Variants in CLEC9A observed in about 807,000 individuals in gnomAD.
CLEC9A encodes the protein C-type lectin domain family 9 member A.
A neutral mutation model predicts 30.0 loss-of-function variants in CLEC9A; 24 were observed. The observed-to-expected ratio is 0.80, with a 90% CI of 0.58 to 1.13. The LOEUF is 1.13. Ranked by LOEUF, CLEC9A falls within the 50% of genes most tolerant of loss-of-function variation. The probability of loss-of-function intolerance (pLI) is 0.00; values close to 1 mark genes in which losing one functional copy is unlikely to be tolerated. For synonymous variants in CLEC9A, 111 were observed against 96.8 expected (o/e 1.15, Z -0.86); for missense variants, 251 against 280.9 (o/e 0.89, Z 0.76).
At chr12:10,062,016 T>C (rs539495572) in intron 6 of CLEC9A, among the ~76,000 whole-genome samples, 14 of 152,326 alleles carry the variant, frequency 9.2e-5, no homozygotes, top group Non-Finnish European at 1.9e-4. Flanking sequence ...CCAACCATGT[T>C]TCTCTATGCA....
rs1269611632 is a variant in CLEC9A at position 10,065,525 on chromosome 12, G to T, written c.619G>T (p.Ala207Ser). 1 of 1,613,860 alleles carries T rather than the reference G, an allele frequency of 6.2e-7. No homozygotes were observed. The highest frequency in any genetic ancestry group is 1.7e-5 in the Admixed American group (1 of 59,956). ...GLLPAERSQSANQVCGYVKSN... is the reference protein window; with the variant it reads ...GLLPAERSQSSNQVCGYVKSN... ...GTTGCCAGCAGAGAGATCCCAGTCAGCTAACCAAGTCTGTGGATACGTGAA... is the reference window on the plus strand; with the variant it reads ...GTTGCCAGCAGAGAGATCCCAGTCATCTAACCAAGTCTGTGGATACGTGAA... Residue 207 changes from alanine to serine, a missense_variant, in exon 9 of 9, where the codon GCT (alanine) becomes TCT (serine). By Grantham distance (99) the Ala-to-Ser change is moderately conservative (BLOSUM62 1). Coordinates refer to ENST00000355819, the MANE Select transcript of CLEC9A (RefSeq NM_207345.4).
At chr12:10,043,154 A>ATGC in intron 2 of CLEC9A, 1 of 367,374 alleles carries the variant, frequency 2.7e-6, no homozygotes, top group Non-Finnish European at 5.4e-6. Context: ...CTTTGTCTTT[A>ATGC]TGTCATTATC....
chr12:10,047,639 GC>G (rs1290884851), intron 2 of CLEC9A, among the ~76,000 whole-genome samples: 15 of 152,254 alleles, frequency 9.9e-5, no homozygotes, highest in African/African-American at 3.6e-4. Context: ...CCACAATAAA[GC>G]AATTATTGCA....
At chr12:10,052,903 C>G in intron 4 of CLEC9A, 125 bp downstream of exon 4, 1 of 1,014,784 alleles carries the variant, frequency 9.9e-7, no homozygotes, top group Non-Finnish European at 1.4e-6. Flanking sequence ...ACTGTAATGT[C>G]CGTGAAATGC....
chr12:10,048,474 A>G (rs1484347361), intron 2 of CLEC9A, among the ~76,000 whole-genome samples: 3 of 152,166 alleles, frequency 2.0e-5, no homozygotes, highest in South Asian at 2.1e-4. Context: ...CATTTTACCC[A>G]TAGTAAACTT....
At chr12:10,063,312 C>A in intron 7 of CLEC9A, 106 bp downstream of exon 7, 2 of 1,040,830 alleles carry the variant, frequency 1.9e-6, no homozygotes, top group South Asian at 5.5e-5. Context: ...TCTATAACAG[C>A]AGTATAATTG....
At chr12:10,035,840 A>T (rs955462895) in intron 1 of CLEC9A, among the ~76,000 whole-genome samples, 2 of 152,192 alleles carry the variant, frequency 1.3e-5, no homozygotes, top group Non-Finnish European at 2.9e-5. Flanking sequence ...CCCGGGCTCA[A>T]GCAATCCTCC....
At chr12:10,051,010 G>T (rs534774568) in intron 2 of CLEC9A, among the ~76,000 whole-genome samples, 1 of 152,036 alleles carries the variant, frequency 6.6e-6, no homozygotes, top group South Asian at 2.1e-4. Context: ...TTTGAGACCA[G>T]CCTGGCCAAC....
chr12:10,054,660 T>C (rs1307416836), intron 5 of CLEC9A, among the ~76,000 whole-genome samples: 1 of 152,224 alleles, frequency 6.6e-6, no homozygotes, highest in East Asian at 1.9e-4. Flanking sequence ...ATTTGAAAGA[T>C]TTCACATTCT....
chr12:10,043,922 G>A (rs571299253), intron 2 of CLEC9A, among the ~76,000 whole-genome samples: 10 of 152,060 alleles, frequency 6.6e-5, no homozygotes, highest in East Asian at 1.9e-4. Flanking sequence ...CTCATGATCC[G>A]CCTGCCTCAG....
At chr12:10,033,272 C>T (rs971309668) in intron 1 of CLEC9A, among the ~76,000 whole-genome samples, 5 of 151,762 alleles carry the variant, frequency 3.3e-5, no homozygotes, top group Non-Finnish European at 5.9e-5. Context: ...GTTCTTGGTC[C>T]TCTTGTTTTT....
intron 2 of CLEC9A, among the ~76,000 whole-genome samples, chr12:10,044,529 T>C (rs776088005): frequency 5.9e-5 from 9 of 152,196 alleles, no homozygotes; most frequent in Non-Finnish European, 1.0e-4. Context: ...CGTTTTTTTA[T>C]CTCAAGACTT....
intron 5 of CLEC9A, among the ~76,000 whole-genome samples, chr12:10,056,058 CAAAAAAA>C (rs58274495): frequency 8.4e-5 from 4 of 47,524 alleles, no homozygotes; most frequent in Non-Finnish European, 1.4e-4. Flanking sequence ...GACTCTGTCT[CAAAAAAA>C]AAAAAAAAAA....
rs369845785 is a variant in CLEC9A at position 10,034,901 on chromosome 12, A to G, written c.-318+3929A>G. Among the ~76,000 whole-genome samples, 7 of 152,350 alleles carry G rather than the reference A, an allele frequency of 4.6e-5. No individual in the cohort carries two copies. The South Asian group carries it at 8.3e-4, about 18-fold the overall frequency. ...ATTAGACCCCTACCTTATAGCAAGG[A>G]CAGAGGCTTTCTGCATCCCAGGGTT... On this transcript the variant is annotated intron_variant, in intron 1 of 8. Transcript: ENST00000355819.
At chr12:10,039,135 T>A (rs571543480) in intron 1 of CLEC9A, among the ~76,000 whole-genome samples, 1 of 152,358 alleles carries the variant, frequency 6.6e-6, no homozygotes, top group East Asian at 1.9e-4. Flanking sequence ...CCCTGCTTCC[T>A]CCTCCTGGTG....
intron 2 of CLEC9A, among the ~76,000 whole-genome samples, chr12:10,048,472 C>G (rs1323568355): frequency 6.6e-6 from 1 of 151,994 alleles, no homozygotes; most frequent in Non-Finnish European, 1.5e-5. Flanking sequence ...AGCATTTTAC[C>G]CATAGTAAAC....
Position 10,065,507 on chromosome 12 carries a change from G to C in CLEC9A, c.601G>C (p.Ala201Pro). The change falls in exon 9 of 9, where the codon GCA becomes CCA. Residue 201 changes from alanine to proline, a missense_variant. Coordinates refer to ENST00000355819, the MANE Select transcript of CLEC9A (RefSeq NM_207345.4). ...GTTGACTTGCTTTTCCAGGTTGCCA[G>C]CAGAGAGATCCCAGTCAGCTAACCA... ...GSSPSPGLLP[A>P]ERSQSANQVC... The C allele has an allele frequency of 5.0e-6, 8 of 1,613,610 alleles. No homozygotes were observed. The highest frequency in any genetic ancestry group is 6.8e-6 in the Non-Finnish European group (8 of 1,179,742).
At chr12:10,064,194 G>C (rs1191374008) in intron 7 of CLEC9A, among the ~76,000 whole-genome samples, 1 of 152,080 alleles carries the variant, frequency 6.6e-6, no homozygotes, top group Non-Finnish European at 1.5e-5. Flanking sequence ...AAAATAATTT[G>C]TTAAGGATAT....
At chr12:10,064,561 C>A (rs577700660) in intron 7 of CLEC9A, among the ~76,000 whole-genome samples, 171 bp from the exon 8 acceptor site, 1 of 152,114 alleles carries the variant, frequency 6.6e-6, no homozygotes, top group Non-Finnish European at 1.5e-5. Context: ...ATACAGCAAT[C>A]GAAAATAGTC....
Sources: allele counts gnomAD v4.1 joint callset (sites outside exome capture counted in the v4.1 genomes callset), GRCh38; gene constraint gnomAD v4.1.1; transcripts MANE v1.5; gene names NCBI Gene and HGNC (gene_info 2026-07-23, HGNC 2026-07-21).